CCDC102B: variants seen among roughly 807,000 people sequenced by gnomAD.
CCDC102B encodes coiled-coil domain-containing protein 102B.
In CCDC102B, 75 loss-of-function variants were observed where a neutral mutation model predicts 57.4. The observed-to-expected ratio is 1.31, with a 90% CI of 1.08 to 1.58. The LOEUF is 1.58. CCDC102B is among the 40% of genes most tolerant of loss of function. The pLI is 0.00. For synonymous variants in CCDC102B, 206 were observed against 201.9 expected, an observed-to-expected ratio of 1.02 and a Z score of -0.17; for missense variants, 636 against 582.6, an observed-to-expected ratio of 1.09 and a Z score of -0.94.
chr18:69,056,908 A>C (rs150364084), downstream of CCDC102B, among the ~76,000 whole-genome samples: 386 of 152,014 alleles, frequency 2.5e-3, 2 homozygotes, highest in African/African-American at 8.1e-3. Context: ...ACAACTCCCC[A>C]TCTTTCCTCT....
intron 2 of CCDC102B, among the ~76,000 whole-genome samples, chr18:68,790,557 A>C (rs1376881425): frequency 6.6e-6 from 1 of 152,154 alleles, no homozygotes; most frequent in Non-Finnish European, 1.5e-5. Context: ...GCCCGTCGGA[A>C]AAGTGCAGTA....
chr18:69,000,906 A>G (rs2051184034), intron 6 of CCDC102B, among the ~76,000 whole-genome samples: 1 of 152,144 alleles, frequency 6.6e-6, no homozygotes, highest in African/African-American at 2.4e-5. Flanking sequence ...TAGGATCTTA[A>G]TGTCTGGTGA....
chr18:68,827,922 A>T (rs2036970340), intron 1 of CCDC102B, among the ~76,000 whole-genome samples: 1 of 151,948 alleles, frequency 6.6e-6, no homozygotes, highest in Non-Finnish European at 1.5e-5. Context: ...AATATCAGAG[A>T]TGTCACTTCA....
At chr18:68,980,394 T>G (rs636608) in intron 6 of CCDC102B, among the ~76,000 whole-genome samples, 2 of 142,272 alleles carry the variant, frequency 1.4e-5, no homozygotes, top group Admixed American at 6.9e-5. Context: ...TAGGTCTTGG[T>G]GAAAAAAAAA....
intron 4 of CCDC102B, among the ~76,000 whole-genome samples, chr18:68,862,670 C>G (rs1009009688): frequency 6.6e-6 from 1 of 152,024 alleles, no homozygotes; most frequent in Non-Finnish European, 1.5e-5. Flanking sequence ...GAATTACTAA[C>G]AGGCAAAAAA....
intron 1 of CCDC102B, among the ~76,000 whole-genome samples, chr18:68,798,891 T>C (rs2035733612): frequency 2.0e-5 from 3 of 152,040 alleles, no homozygotes; most frequent in Non-Finnish European, 4.4e-5. Flanking sequence ...AAATTATCAA[T>C]TGAATGTCAA....
chr18:68,827,958 T>C (rs1252706448), intron 1 of CCDC102B, among the ~76,000 whole-genome samples: 2 of 151,692 alleles, frequency 1.3e-5, no homozygotes. Flanking sequence ...AAATAAAATA[T>C]AGAAACCCAA....
chr18:68,787,856 C>A (rs1009836091), intron 2 of CCDC102B, among the ~76,000 whole-genome samples: 6 of 151,702 alleles, frequency 4.0e-5, no homozygotes, highest in Admixed American at 3.3e-4. Flanking sequence ...TTAGTTATTT[C>A]TTGCCTTCTG....
chr18:68,911,479 G>C (rs57528470), intron 6 of CCDC102B, among the ~76,000 whole-genome samples: 4 of 150,794 alleles, frequency 2.7e-5, no homozygotes, highest in Non-Finnish European at 5.9e-5. Context: ...AAGGCCGGGC[G>C]CGGTGGCTCA....
In CCDC102B at chr18:68,838,958, G is replaced by A. The variant is rs754166882; in HGVS notation, c.827+32G>A. On this transcript the variant is annotated intron_variant, in intron 3 of 7. Coordinates refer to ENST00000360242, the MANE Select transcript of CCDC102B (RefSeq NM_024781.3). ...GCTAATCATTGTCTCCCTTAACCAA[G>A]TCTAAGTTTCAAATCACTTAAAATT... 5 of 1,555,480 alleles carry A rather than the reference G, an allele frequency of 3.2e-6. No individual in the cohort carries two copies. The Admixed American group carries it at 5.1e-5, about 16-fold the overall frequency.
intron 7 of CCDC102B, among the ~76,000 whole-genome samples, chr18:69,049,050 T>C (rs2052635941): frequency 6.6e-6 from 1 of 152,098 alleles, no homozygotes; most frequent in South Asian, 2.1e-4. Flanking sequence ...TTCTTTTTTT[T>C]TTTATTATAC....
chr18:68,855,035 TA>T (rs2038318719), intron 4 of CCDC102B, among the ~76,000 whole-genome samples: 1 of 152,214 alleles, frequency 6.6e-6, no homozygotes, highest in East Asian at 1.9e-4. Flanking sequence ...AAGAATGTCA[TA>T]TGTGACGGGA....
intron 1 of CCDC102B, among the ~76,000 whole-genome samples, chr18:68,830,946 G>A (rs2144767590): frequency 6.6e-6 from 1 of 152,088 alleles, no homozygotes; most frequent in East Asian, 1.9e-4. Flanking sequence ...CATAACAAAT[G>A]ATGCATTGAC....
At chr18:68,738,323 T>C (rs2033236542) in intron 2 of CCDC102B, among the ~76,000 whole-genome samples, 1 of 152,216 alleles carries the variant, frequency 6.6e-6, no homozygotes, top group African/African-American at 2.4e-5. Context: ...TAAGATGTCT[T>C]ATCTAAAGAT....
intron 6 of CCDC102B, among the ~76,000 whole-genome samples, chr18:68,938,914 AT>A (rs1568341335): frequency 6.6e-6 from 1 of 151,658 alleles, no homozygotes; most frequent in African/African-American, 2.4e-5. Context: ...TATCAATTAA[AT>A]TTTTTTATAT....
intron 4 of CCDC102B, among the ~76,000 whole-genome samples, chr18:68,867,933 T>TCAAAA (rs527341902): frequency 9.1e-4 from 139 of 151,970 alleles, no homozygotes; most frequent in African/African-American, 3.2e-3. Context: ...AGACTCCGTC[T>TCAAAA]CAAAACAAAA....
intron 6 of CCDC102B, among the ~76,000 whole-genome samples, chr18:68,978,933 C>T (rs1055312604): frequency 6.6e-6 from 1 of 151,984 alleles, no homozygotes; most frequent in Non-Finnish European, 1.5e-5. Context: ...GGCTCCACCT[C>T]AGATATATAA....
At chr18:69,002,252 A>G (rs2051223315) in intron 6 of CCDC102B, among the ~76,000 whole-genome samples, 1 of 152,312 alleles carries the variant, frequency 6.6e-6, no homozygotes, top group South Asian at 2.1e-4. Flanking sequence ...TGTTCTTCCA[A>G]TGGCGCAAAG....
chr18:68,879,898 C>A (rs1472694539), intron 5 of CCDC102B, among the ~76,000 whole-genome samples: 2 of 152,206 alleles, frequency 1.3e-5, no homozygotes, highest in African/African-American at 4.8e-5. Flanking sequence ...AGGTTCTCCA[C>A]GTCCCCACCA....
Sources: allele counts gnomAD v4.1 joint callset (sites outside exome capture counted in the v4.1 genomes callset), GRCh38; gene constraint gnomAD v4.1.1; transcripts MANE v1.5; gene names NCBI Gene and HGNC (gene_info 2026-07-23, HGNC 2026-07-21).